The following DENND6A variants were observed in gnomAD, a reference collection of about 807,000 sequenced individuals.
DENND6A encodes the protein protein DENND6A.
DENND6A carries 43 observed loss-of-function variants against 95.5 expected under a neutral mutation model. The ratio of observed to expected loss-of-function variants is 0.45; its 90% CI spans 0.35 to 0.58. The LOEUF is 0.58. Among genes scored for constraint, DENND6A ranks in the 20% least tolerant of loss-of-function variants. DENND6A has a pLI of 0.00. For missense variants in DENND6A, 574 were observed against 736.0 expected, an observed-to-expected ratio of 0.78 and a Z score of 2.55; for synonymous variants, 257 against 260.4, an observed-to-expected ratio of 0.99 and a Z score of 0.13.
intron 11 of DENND6A, among the ~76,000 whole-genome samples, chr3:57,644,732 AAGGGAGGGGAGGGGT>A: frequency 6.1e-5 from 1 of 16,412 alleles, no homozygotes; most frequent in Non-Finnish European, 1.2e-4. Context: ...AGAGGAGGGG[AAGGGAGGGGAGGGGT>A]GGGGAGGGGA....
chr3:57,643,230 G>A (rs574574285), intron 11 of DENND6A, among the ~76,000 whole-genome samples: 1 of 152,090 alleles, frequency 6.6e-6, no homozygotes, highest in Admixed American at 6.6e-5. Flanking sequence ...TTACAAAGGA[G>A]AAATTTATGA....
intron 1 of DENND6A, among the ~76,000 whole-genome samples, chr3:57,673,689 C>T (rs539607211): frequency 6.6e-6 from 1 of 152,162 alleles, no homozygotes; most frequent in East Asian, 1.9e-4. Flanking sequence ...TCACATGTAC[C>T]CCATATATAT....
At chr3:57,637,754 T>A (rs1402108886) in intron 12 of DENND6A, among the ~76,000 whole-genome samples, 26 of 43,620 alleles carry the variant, frequency 6.0e-4, no homozygotes, top group East Asian at 1.7e-3. Flanking sequence ...AAAGAAAAAA[T>A]AAATAAGACT....
chr3:57,676,374 T>TAA lies in DENND6A; in HGVS notation c.238-3937_238-3936insTT, dbSNP rs1408245174. ...CAGCCTGGCAAAAGAATAAGATTAT[T>TAA]TAAAAAAAAAAAAAAAAAAAAAAAG... On this transcript the variant is annotated intron_variant, in intron 1 of 19. Transcript: ENST00000311128. 2.8e-4 allele frequency among the ~76,000 whole-genome samples: 19 copies of TAA among 67,076 alleles called. 1 individual carries two copies. The highest frequency in any genetic ancestry group is 6.4e-4 in the Non-Finnish European group (18 of 28,142). 44.0% of individuals were successfully genotyped at this position (67,076 alleles called of 152,430 possible).
chr3:57,661,587 C>T (rs769252886), intron 5 of DENND6A, 36 bp from the exon 6 acceptor site: 2 of 1,481,602 alleles, frequency 1.3e-6, no homozygotes, highest in South Asian at 2.6e-5. Context: ...TTAAAAATTG[C>T]TTTGTCATTC....
chr3:57,656,945 G>A (rs1484007897), intron 9 of DENND6A, among the ~76,000 whole-genome samples: 1 of 152,148 alleles, frequency 6.6e-6, no homozygotes. Context: ...GCAATAGAGT[G>A]AGACTCTGTC....
intron 3 of DENND6A, among the ~76,000 whole-genome samples, chr3:57,670,509 TAA>T (rs1019249224): frequency 2.6e-5 from 4 of 152,222 alleles, no homozygotes; most frequent in Non-Finnish European, 5.9e-5. Flanking sequence ...TCTCCAGTGA[TAA>T]AGAGTTTTCT....
rs1198668028 is a variant in DENND6A at position 57,630,728 on chromosome 3, T to C, written c.1504A>G (p.Ile502Val). The C allele has an allele frequency of 6.2e-7, 1 of 1,613,496 alleles. No homozygotes were observed. Among genetic ancestry groups the C allele is most frequent in the Non-Finnish European group, 8.5e-7 (1 of 1,179,832 alleles). Residue 502 changes from isoleucine (I) to valine (V), a missense_variant, in exon 17 of 20, where the codon ATT (isoleucine) becomes GTT (valine). By Grantham distance (29) the Ile-to-Val change is conservative. Coordinates refer to ENST00000311128, the MANE Select transcript of DENND6A (RefSeq NM_152678.3). ...AAAAAGACTAACCGGTAAAGTCCAA[T>C]CCAATCGCCTTTTATTCTAGAGGTT... ...QLTSRIKGDW[I>V]GLYRHFLKSP...
chr3:57,673,213 CA>C (rs386396751), intron 1 of DENND6A, among the ~76,000 whole-genome samples: 473 of 70,688 alleles, frequency 6.7e-3, no homozygotes, highest in African/African-American at 0.029. Context: ...CATTTCGTAT[CA>C]AAAAAAAAAA....
intron 3 of DENND6A, among the ~76,000 whole-genome samples, 184 bp from the exon 4 acceptor site, chr3:57,666,419 G>A (rs1356318848): frequency 2.0e-5 from 3 of 152,136 alleles, no homozygotes; most frequent in South Asian, 4.1e-4. Flanking sequence ...GCTGGTTAGA[G>A]GCAAAGCCAG....
At position 57,628,810 on chromosome 3, in the gene DENND6A, C is replaced by A. The variant is rs1422647716; in HGVS notation, c.1695+1G>T. The A allele has an allele frequency of 3.1e-6, 5 of 1,610,686 alleles. No individual in the cohort carries two copies. The highest frequency in any genetic ancestry group is 1.1e-5 in the South Asian group (1 of 90,230). The stretch of plus-strand genomic sequence containing the variant: ...AATCTTTGGCTGTTTTGGCTACATA[C>A]CAGCTTATTTTTCAGCTTCAAGACA... On this transcript the variant is annotated splice_donor_variant, in intron 19 of 19. Transcript: ENST00000311128. LOFTEE classifies it high-confidence loss of function.
chr3:57,634,620 C>T lies in DENND6A; in HGVS notation c.1201G>A (p.Val401Ile). The change falls in exon 14 of 20, where the codon GTT becomes ATT. Residue 401 changes from valine (V) to isoleucine (I), a missense_variant and splice_region_variant. Physicochemically the swap from Val to Ile is conservative, Grantham distance 29 (BLOSUM62 3). This residue lies in a region of DENND6A where 452 missense variants were observed against 630.9 expected (regional missense o/e 0.72). Coordinates refer to ENST00000311128, the MANE Select transcript of DENND6A (RefSeq NM_152678.3). The part of the protein sequence containing the change: ...NLKTLDSKPG[V>I]YTSYKPYLNR... ...AAATATGGCTTATATGAAGTATAAACTCCTAAGAGCAAAGAAAAGAAGGTA... is the reference window on the plus strand; with the variant it reads ...AAATATGGCTTATATGAAGTATAAATTCCTAAGAGCAAAGAAAAGAAGGTA... The T allele has an allele frequency of 6.7e-7, 1 of 1,484,106 alleles. No homozygotes were observed. Among genetic ancestry groups the T allele is most frequent in the African/African-American group, 1.4e-5 (1 of 70,496 alleles). 91.9% of individuals were successfully genotyped at this position (1,484,106 alleles called of 1,614,324 possible). A position where few individuals can be genotyped will look rare whatever the true frequency, so the allele number is the denominator to read the frequency against.
At chr3:57,671,577 T>C (rs2071618806) in intron 3 of DENND6A, among the ~76,000 whole-genome samples, 1 of 151,086 alleles carries the variant, frequency 6.6e-6, no homozygotes, top group African/African-American at 2.4e-5. Context: ...AACTAGACTG[T>C]CTCTGCTATA....
At chr3:57,691,669 C>CAAA (rs71091304) in intron 1 of DENND6A, among the ~76,000 whole-genome samples, 1,841 of 93,408 alleles carry the variant, frequency 0.02, 19 homozygotes, top group Non-Finnish European at 0.028. Flanking sequence ...TCACCAATAC[C>CAAA]AAAAAAAAAA....
chr3:57,680,195 G>A lies in DENND6A; in HGVS notation c.238-7757C>T, dbSNP rs72874852. ...AAGAGCTAAATCTATATAACTCTTG[G>A]AAGAAAACAGTAATACATCTTCACA... On this transcript the variant is annotated intron_variant, in intron 1 of 19. Transcript: ENST00000311128. Among the ~76,000 whole-genome samples the A allele has an allele frequency of 6.8e-3, 1,034 of 152,270 alleles. 13 individuals carry two copies. Among genetic ancestry groups the A allele is most frequent in the African/African-American group, 0.023 (961 of 41,548 alleles).
chr3:57,667,664 C>T (rs1157784382), intron 3 of DENND6A, among the ~76,000 whole-genome samples: 1 of 152,200 alleles, frequency 6.6e-6, no homozygotes, highest in South Asian at 2.1e-4. Context: ...ATTCCATAGA[C>T]TGACGCCAGT....
At chr3:57,658,995 G>T in intron 8 of DENND6A, 123 bp downstream of exon 8, 1 of 808,166 alleles carries the variant, frequency 1.2e-6, no homozygotes, top group Non-Finnish European at 1.9e-6. Flanking sequence ...ATTATTTAAT[G>T]GGACATTTCA....
At chr3:57,680,384 T>A (rs1273049322) in intron 1 of DENND6A, among the ~76,000 whole-genome samples, 1 of 152,160 alleles carries the variant, frequency 6.6e-6, no homozygotes, top group Non-Finnish European at 1.5e-5. Flanking sequence ...TGGGAGGCGA[T>A]CAAGTCGTGA....
Position 57,626,867 on chromosome 3 carries a change from A to T in DENND6A, c.*1347T>A, listed in dbSNP as rs1348350295. On this transcript the variant is annotated 3_prime_UTR_variant, in exon 20 of 20. Coordinates refer to ENST00000311128, the MANE Select transcript of DENND6A (RefSeq NM_152678.3). Reference sequence around the variant, plus strand: ...ACAACAAAAGCTAACCATGACAGTGACTCAGGCGAAAGTTCCCATGTCAAA... The same window carrying T: ...ACAACAAAAGCTAACCATGACAGTGTCTCAGGCGAAAGTTCCCATGTCAAA... The T allele has an allele frequency of 6.6e-6, 1 of 152,596 alleles. No individual in the cohort carries two copies. Among genetic ancestry groups the T allele is most frequent in the Admixed American group, 6.5e-5 (1 of 15,278 alleles). 9.5% of individuals were successfully genotyped at this position (152,596 alleles called of 1,614,324 possible).
Sources: allele counts gnomAD v4.1 joint callset (sites outside exome capture counted in the v4.1 genomes callset), GRCh38; gene constraint gnomAD v4.1.1; regional missense constraint gnomAD v4.1.1; transcripts MANE v1.5; gene names NCBI Gene and HGNC (gene_info 2026-07-23, HGNC 2026-07-21).